Variants in ACTG2 observed in about 807,000 individuals in gnomAD.
The protein encoded by ACTG2 is actin, gamma-enteric smooth muscle.
A neutral mutation model predicts 37.6 loss-of-function variants in ACTG2; 16 were observed. The observed-to-expected ratio is 0.43, with a 90% confidence interval of 0.29 to 0.65. The LOEUF (loss-of-function observed/expected upper bound fraction) is 0.65, where lower values mean the gene tolerates loss of function less well. ACTG2 is among the 30% of genes least tolerant of loss of function. ACTG2 has a pLI of 0.18. For missense variants in ACTG2, 238 were observed against 490.9 expected (o/e 0.48, Z 4.87); for synonymous variants, 181 against 179.9 (o/e 1.01, Z -0.05).
At chr2:73,898,205 C>T (rs984293866) in intron 1 of ACTG2, among the ~76,000 whole-genome samples, 5 of 147,934 alleles carry the variant, frequency 3.4e-5, no homozygotes, top group Non-Finnish European at 4.5e-5. Flanking sequence ...AAAGTAGTGA[C>T]GAAGGCACAT....
chr2:73,898,893 C>A (rs373181698), intron 1 of ACTG2, among the ~76,000 whole-genome samples: 1 of 150,378 alleles, frequency 6.6e-6, no homozygotes, highest in Non-Finnish European at 1.5e-5. Context: ...AGCTCCGCCT[C>A]CCGGGTTCAC....
At position 73,908,730 on chromosome 2, in the gene ACTG2, C is replaced by T. The variant is rs1680067037; in HGVS notation, c.313C>T (p.Leu105=). 1.9e-6 allele frequency: 3 copies of T among 1,614,106 alleles called. No individual in the cohort carries two copies. Among genetic ancestry groups the T allele is most frequent in the Admixed American group, 1.7e-5 (1 of 60,006 alleles). ...TGTAGCACCTGAAGAGCACCCCACCCTGCTCACAGAGGCTCCCCTAAATCC... is the reference window on the plus strand; with the variant it reads ...TGTAGCACCTGAAGAGCACCCCACCTTGCTCACAGAGGCTCCCCTAAATCC... ...LRVAPEEHPT[L]LTEAPLNPKA... is the part of the protein sequence containing the mutation. Residue 105 remains leucine (L), a synonymous_variant, in exon 4 of 9, where the codon CTG becomes TTG. Coordinates refer to ENST00000345517, the MANE Select transcript of ACTG2 (RefSeq NM_001615.4).
At position 73,913,511 on chromosome 2, in the gene ACTG2, G is replaced by C. The variant is rs761385269; in HGVS notation, c.478G>C (p.Val160Leu). 17 of 1,610,862 alleles carry C rather than the reference G, an allele frequency of 1.1e-5. No individual in the cohort carries two copies. Among genetic ancestry groups the C allele is most frequent in the Non-Finnish European group, 8.5e-7 (1 of 1,177,980 alleles). ...CATCGTCCTGGATTCAGGTGATGGC[G>C]TCACCCACAATGTCCCCATCTATGA... ...TGIVLDSGDGVTHNVPIYEGY... is the reference protein window; with the variant it reads ...TGIVLDSGDGLTHNVPIYEGY... Residue 160 changes from valine (V) to leucine (L), a missense_variant, in exon 6 of 9, where the codon GTC becomes CTC. Coordinates refer to ENST00000345517, the MANE Select transcript of ACTG2 (RefSeq NM_001615.4).
intron 1 of ACTG2, among the ~76,000 whole-genome samples, chr2:73,901,022 C>A (rs1679860302): frequency 6.6e-6 from 1 of 152,222 alleles, no homozygotes; most frequent in Non-Finnish European, 1.5e-5. Context: ...TCTTTAAAGA[C>A]CCTATCTCCA....
chr2:73,908,431 A>C (rs1255649702), intron 3 of ACTG2: 2 of 595,944 alleles, frequency 3.4e-6, no homozygotes, highest in African/African-American at 3.7e-5. Flanking sequence ...AGGGAAGGTC[A>C]AATGGAAATA....
intron 2 of ACTG2, 44 bp downstream of exon 2, chr2:73,901,481 G>C (rs758909306): frequency 6.2e-7 from 1 of 1,602,552 alleles, no homozygotes; most frequent in Non-Finnish European, 8.5e-7. Context: ...GCCACTAGGA[G>C]TAAGCGCTGC....
At chr2:73,894,963 G>A (rs1679710493) in intron 1 of ACTG2, among the ~76,000 whole-genome samples, 1 of 152,174 alleles carries the variant, frequency 6.6e-6, no homozygotes, top group Non-Finnish European at 1.5e-5. Flanking sequence ...GAGGAGAGTG[G>A]ACTGGAACAG....
At chr2:73,898,589 G>C (rs2104802486) in intron 1 of ACTG2, among the ~76,000 whole-genome samples, 1 of 150,918 alleles carries the variant, frequency 6.6e-6, no homozygotes, top group African/African-American at 2.5e-5. Flanking sequence ...TTTCAGAAAA[G>C]TAGTACAATT....
intron 1 of ACTG2, among the ~76,000 whole-genome samples, chr2:73,898,831 C>T (rs1679810905): frequency 8.7e-6 from 1 of 114,542 alleles, no homozygotes; most frequent in South Asian, 3.0e-4. Flanking sequence ...GAGATGGAGT[C>T]TTGCTCTGTT....
intron 1 of ACTG2, among the ~76,000 whole-genome samples, chr2:73,894,093 G>T (rs1679689589): frequency 6.6e-6 from 1 of 152,162 alleles, no homozygotes; most frequent in South Asian, 2.1e-4. Context: ...GGCTGTCAGG[G>T]CCCGGCCCTG....
chr2:73,902,446 C>T lies in ACTG2; in HGVS notation c.213C>T (p.Pro71=), dbSNP rs1679911749. ...GAGGGATCCTAACTCTCAAATACCC[C>T]ATTGAACACGGCATCATCACCAACT... ...SKRGILTLKY[P]IEHGIITNWD... is the part of the protein sequence containing the mutation. The change falls in exon 3 of 9, where the codon CCC becomes CCT. Residue 71 remains proline, a synonymous_variant. Coordinates refer to ENST00000345517, the MANE Select transcript of ACTG2 (RefSeq NM_001615.4). The T allele has an allele frequency of 6.2e-7, 1 of 1,614,090 alleles. No individual in the cohort carries two copies. The highest frequency in any genetic ancestry group is 1.3e-5 in the African/African-American group (1 of 75,022).
In ACTG2 at chr2:73,912,853, G is replaced by T. The variant is rs997946433; in HGVS notation, c.452-632G>T. ...GTGATATTGTAATGTTTTCTCATCC[G>T]TTATGATGTGGCTGTTAGATTAAGA... On this transcript the variant is annotated intron_variant, in intron 5 of 8. Coordinates refer to ENST00000345517, the MANE Select transcript of ACTG2 (RefSeq NM_001615.4). Among the ~76,000 whole-genome samples the T allele has an allele frequency of 2.0e-5, 3 of 152,270 alleles. No homozygotes were observed. In the South Asian group the frequency reaches 6.2e-4, roughly 32 times the overall value.
rs980854503 is a variant in ACTG2, at chr2:73,916,912, C to T, written c.987+147C>T. 5.4e-5 allele frequency: 51 copies of T among 947,166 alleles called. No homozygotes were observed. The African/African-American group carries it at 6.9e-4, about 13-fold the overall frequency. The allele number at this position is 947,166 out of a possible 1,614,324, so 58.7% of individuals were successfully genotyped here. ...CTGGACTGGAGCCAATTTTATCCTA[C>T]GGAATTATGTTCCTTGGGCATTGAT... On this transcript the variant is annotated intron_variant, in intron 8 of 8. Coordinates refer to ENST00000345517, the MANE Select transcript of ACTG2 (RefSeq NM_001615.4).
At chr2:73,902,986 T>C in intron 3 of ACTG2, 1 of 495,476 alleles carries the variant, frequency 2.0e-6, no homozygotes, top group Non-Finnish European at 3.6e-6. Flanking sequence ...CATTCTTATC[T>C]TCCCTGTCAA....
intron 3 of ACTG2, among the ~76,000 whole-genome samples, chr2:73,904,777 G>GTGTATATATATATATATA (rs1427483105): frequency 9.4e-5 from 4 of 42,608 alleles, no homozygotes; most frequent in Non-Finnish European, 1.4e-4. Context: ...GTGTGTGTGT[G>GTGTATATATATATATATA]TATATATATA....
At chr2:73,901,590 G>GCACA in intron 2 of ACTG2, 153 bp downstream of exon 2, 1 of 498,826 alleles carries the variant, frequency 2.0e-6, no homozygotes, top group Non-Finnish European at 2.5e-6. Flanking sequence ...GTCTGTGCGT[G>GCACA]TGTGTGTGTG....
At position 73,919,610 on chromosome 2, in the gene ACTG2, CT is replaced by C. The variant is rs766319671; in HGVS notation, c.*36del. On this transcript the variant is annotated 3_prime_UTR_variant, in exon 9 of 9. Transcript: ENST00000345517. ...AGGTTCTCCAAGGATCCCCTCGAGA[CT>C]ACTCTGTTACCAGTCATGAAACATT... The C allele has an allele frequency of 1.4e-5, 23 of 1,605,176 alleles. No homozygotes were observed. In the Admixed American group the frequency reaches 1.5e-4, roughly 11 times the overall value.
chr2:73,906,006 TATA>T (rs893331089), intron 3 of ACTG2, among the ~76,000 whole-genome samples: 13 of 150,850 alleles, frequency 8.6e-5, no homozygotes, highest in East Asian at 1.9e-4. Flanking sequence ...TTGAACATAG[TATA>T]ATAATATAAT....
chr2:73,903,864 C>T (rs983619937), intron 3 of ACTG2, among the ~76,000 whole-genome samples: 2 of 147,724 alleles, frequency 1.4e-5, no homozygotes, highest in South Asian at 2.2e-4. Context: ...CGCTTGAACC[C>T]GGGAGGCAGA....
Sources: allele counts gnomAD v4.1 joint callset (sites outside exome capture counted in the v4.1 genomes callset), GRCh38; gene constraint gnomAD v4.1.1; transcripts MANE v1.5; gene names NCBI Gene and HGNC (gene_info 2026-07-23, HGNC 2026-07-21).